IL1RAPL2: variants seen among roughly 807,000 people sequenced by gnomAD.
IL1RAPL2 encodes interleukin 1 receptor accessory protein like 2.
Under a neutral mutation model 44.1 loss-of-function variants are expected in IL1RAPL2, and 3 were observed. The observed-to-expected ratio is 0.07, with a 90% CI of 0.03 to 0.18. The LOEUF (loss-of-function observed/expected upper bound fraction) is 0.18, where lower values mean the gene tolerates loss of function less well. Ranked by LOEUF, IL1RAPL2 falls within the 10% of genes least tolerant of loss-of-function variation. The pLI, the probability that IL1RAPL2 is intolerant of heterozygous loss-of-function variation, is 1.00. For synonymous variants in IL1RAPL2, 181 were observed against 178.8 expected, an observed-to-expected ratio of 1.01 and a Z score of -0.10; for missense variants, 391 against 496.4, an observed-to-expected ratio of 0.79 and a Z score of 2.02.
intron 2 of IL1RAPL2, among the ~76,000 whole-genome samples, chrX:105,025,110 G>T (rs2031347221): frequency 9.1e-6 from 1 of 110,233 alleles, no homozygotes; most frequent in South Asian, 3.8e-4. Context: ...TTCCTGCTTA[G>T]AACTATTATC....
chrX:104,895,450 G>A (rs1056250380), intron 2 of IL1RAPL2, among the ~76,000 whole-genome samples: 1 of 112,627 alleles, frequency 8.9e-6, no homozygotes, highest in African/African-American at 3.2e-5. Flanking sequence ...AAGCTTCCTG[G>A]CCACTTTGTT....
intron 6 of IL1RAPL2, among the ~76,000 whole-genome samples, chrX:105,489,744 CTCTT>C (rs1426236939): frequency 3.5e-4 from 33 of 93,150 alleles, no homozygotes; most frequent in African/African-American, 1.2e-3. Flanking sequence ...CTCTCTCTCT[CTCTT>C]TCTTTCTTTC....
intron 2 of IL1RAPL2, among the ~76,000 whole-genome samples, chrX:104,718,798 T>C (rs780471640): frequency 1.2e-4 from 13 of 112,094 alleles, no homozygotes; most frequent in Non-Finnish European, 2.3e-4. Context: ...TGCAGGATTC[T>C]TTTAAGTTAA....
In IL1RAPL2 at chrX:104,849,336, C is replaced by T. The variant is rs188931862; in HGVS notation, c.82+190341C>T. 5.3e-3 allele frequency among the ~76,000 whole-genome samples: 327 copies of T among 62,146 alleles called. 2 individuals carry two copies. Among genetic ancestry groups the T allele is most frequent in the Non-Finnish European group, 9.4e-3 (265 of 28,324 alleles). 54.0% of individuals were successfully genotyped at this position (62,146 alleles called of 115,157 possible). On this transcript the variant is annotated intron_variant, in intron 2 of 10. Transcript: ENST00000372582. Reference sequence around the variant, plus strand: ...AAGTGCTGGTATTACAGGTGTGAGCCACCATGCTTGAACTATATAATATAT... The same window carrying T: ...AAGTGCTGGTATTACAGGTGTGAGCTACCATGCTTGAACTATATAATATAT...
At chrX:104,798,118 A>G (rs1932862205) in intron 2 of IL1RAPL2, among the ~76,000 whole-genome samples, 1 of 111,760 alleles carries the variant, frequency 8.9e-6, no homozygotes, top group African/African-American at 3.3e-5. Flanking sequence ...ATTTAGATTT[A>G]AAATATTTAA....
At chrX:105,439,517 CAAAAA>C (rs11337790) in intron 5 of IL1RAPL2, among the ~76,000 whole-genome samples, 8 of 59,107 alleles carry the variant, frequency 1.4e-4, no homozygotes, top group African/African-American at 3.7e-4. Context: ...TTTTGCTGTA[CAAAAA>C]AAAAAAAAAA....
intron 2 of IL1RAPL2, among the ~76,000 whole-genome samples, chrX:105,143,859 G>A (rs2033150926): frequency 9.1e-6 from 1 of 110,133 alleles, no homozygotes; most frequent in South Asian, 4.0e-4. Context: ...GGAGAGGGGA[G>A]GGATAGCATT....
rs904791881 is a variant in IL1RAPL2 at position 105,449,330 on chromosome X, A to G, written c.698-34983A>G. Reference sequence around the variant, plus strand: ...CTGGGTGCGGTGGCTCACGCCTGTAATCTCAGCCCTTTGGGAGGCTGAGGT... The same window carrying G: ...CTGGGTGCGGTGGCTCACGCCTGTAGTCTCAGCCCTTTGGGAGGCTGAGGT... On this transcript the variant is annotated intron_variant, in intron 5 of 10. Transcript: ENST00000372582. Among the ~76,000 whole-genome samples, 4 of 111,077 alleles carry G rather than the reference A, an allele frequency of 3.6e-5. No individual in the cohort carries two copies. The Admixed American group carries it at 3.8e-4, about 11-fold the overall frequency.
intron 6 of IL1RAPL2, among the ~76,000 whole-genome samples, chrX:105,591,271 G>A (rs770932342): frequency 2.8e-5 from 3 of 107,141 alleles, no homozygotes; most frequent in African/African-American, 1.0e-4. Context: ...TGTTTCCTTT[G>A]TCATTTCTGA....
intron 2 of IL1RAPL2, among the ~76,000 whole-genome samples, chrX:105,012,838 T>A (rs184926866): frequency 2.8e-4 from 31 of 110,929 alleles, no homozygotes; most frequent in Non-Finnish European, 5.3e-4. Flanking sequence ...TGCTTTATAA[T>A]CATTTCCCTA....
rs1345975005 is a variant in IL1RAPL2 at position 105,243,565 on chromosome X, GTGTA to G, written c.543+9563_543+9566del. Among the ~76,000 whole-genome samples the G allele has an allele frequency of 9.8e-3, 770 of 78,616 alleles. 10 individuals are homozygous for G. Among genetic ancestry groups the G allele is most frequent in the African/African-American group, 0.097 (745 of 7,648 alleles). The allele number at this position is 78,616 out of a possible 115,157, so 68.3% of individuals were successfully genotyped here. ...TATGTGTGTATATATATATATATGT[GTGTA>G]TATATATATATATATGTGTATATAT... On this transcript the variant is annotated intron_variant, in intron 4 of 10. Coordinates refer to ENST00000372582, the MANE Select transcript of IL1RAPL2 (RefSeq NM_017416.2).
At chrX:104,888,491 C>A (rs1249503770) in intron 2 of IL1RAPL2, among the ~76,000 whole-genome samples, 1 of 111,103 alleles carries the variant, frequency 9.0e-6, no homozygotes, top group Non-Finnish European at 1.9e-5. Flanking sequence ...AAAATGATCT[C>A]ATCTTCCAGA....
At chrX:105,350,799 T>C (rs7885408) in intron 5 of IL1RAPL2, among the ~76,000 whole-genome samples, 14,598 of 111,330 alleles carry the variant, frequency 0.13, 2,301 homozygotes, top group African/African-American at 0.45. Flanking sequence ...CTAAAGAACT[T>C]CTGCAGAGGA....
At chrX:105,320,366 T>C (rs2034888044) in intron 5 of IL1RAPL2, among the ~76,000 whole-genome samples, 1 of 111,647 alleles carries the variant, frequency 9.0e-6, no homozygotes, top group Non-Finnish European at 1.9e-5. Context: ...GTTACTTCAC[T>C]AACTGGGTCT....
intron 6 of IL1RAPL2, among the ~76,000 whole-genome samples, chrX:105,537,136 A>C (rs73529021): frequency 0.029 from 3,221 of 111,816 alleles, 126 homozygotes; most frequent in African/African-American, 0.099. Flanking sequence ...CATAGTTAGA[A>C]GGTCTTTTCC....
At chrX:105,142,207 A>G (rs2033131278) in intron 2 of IL1RAPL2, among the ~76,000 whole-genome samples, 1 of 112,002 alleles carries the variant, frequency 8.9e-6, no homozygotes, top group African/African-American at 3.2e-5. Flanking sequence ...TGATGATCCT[A>G]TATGTGTCCA....
At chrX:105,378,546 G>C (rs1211648451) in intron 5 of IL1RAPL2, among the ~76,000 whole-genome samples, 1 of 111,664 alleles carries the variant, frequency 9.0e-6, no homozygotes, top group African/African-American at 3.2e-5. Flanking sequence ...AGCATGCTGT[G>C]TTGGATATTC....
intron 3 of IL1RAPL2, among the ~76,000 whole-genome samples, chrX:105,226,587 GA>G (rs2034017943): frequency 9.3e-6 from 1 of 107,507 alleles, no homozygotes; most frequent in African/African-American, 3.4e-5. Flanking sequence ...ATTTTTAGTA[GA>G]GACAGAGTTT....
chrX:104,923,734 C>T (rs1924702618), intron 2 of IL1RAPL2, among the ~76,000 whole-genome samples: 1 of 111,060 alleles, frequency 9.0e-6, no homozygotes, highest in East Asian at 2.8e-4. Context: ...TCCTATAAAG[C>T]AGTTACACAG....
Sources: allele counts gnomAD v4.1 joint callset (sites outside exome capture counted in the v4.1 genomes callset), GRCh38; gene constraint gnomAD v4.1.1; transcripts MANE v1.5; gene names NCBI Gene and HGNC (gene_info 2026-07-23, HGNC 2026-07-21).